Variants in ZNF804B observed in about 807,000 individuals in gnomAD.
The protein encoded by ZNF804B is zinc finger protein 804B.
In ZNF804B, 80 loss-of-function variants were observed where a neutral mutation model predicts 101.4. That is an observed-to-expected ratio of 0.79 (90% confidence interval 0.66 to 0.95). The LOEUF (loss-of-function observed/expected upper bound fraction) is 0.95, where lower values mean the gene tolerates loss of function less well. Among genes scored for constraint, ZNF804B ranks in the 40% least tolerant of loss-of-function variants. The probability of loss-of-function intolerance (pLI) is 0.00; values close to 1 mark genes in which losing one functional copy is unlikely to be tolerated. For missense variants in ZNF804B, 1,673 were observed against 1,561.9 expected (o/e 1.07, Z -1.20); for synonymous variants, 622 against 558.8 (o/e 1.11, Z -1.59).
At chr7:89,174,093 G>A (rs34978581) in intron 1 of ZNF804B, among the ~76,000 whole-genome samples, 31,492 of 151,684 alleles carry the variant, frequency 0.21, 3,456 homozygotes, top group Middle Eastern at 0.39. Context: ...CAGACATTCC[G>A]ATTATACTGT....
chr7:88,853,427 C>T (rs1359827659), intron 1 of ZNF804B, among the ~76,000 whole-genome samples: 4 of 152,060 alleles, frequency 2.6e-5, no homozygotes, highest in African/African-American at 4.8e-5. Context: ...ATTGGCACTG[C>T]TCTCCTAGAG....
At chr7:88,880,262 G>A (rs1225455894) in intron 1 of ZNF804B, among the ~76,000 whole-genome samples, 2 of 152,194 alleles carry the variant, frequency 1.3e-5, no homozygotes, top group Non-Finnish European at 2.9e-5. Flanking sequence ...AGAATCTGCA[G>A]TTCATAATCA....
rs1028717921 is a variant in ZNF804B, at chr7:88,961,451, A to T, written c.108+201367A>T. Reference sequence around the variant, plus strand: ...GATTGCTGTCCTGCACTTCAGTTTGAGGTATCCACAAAGGAAACATCTTTA... The same window carrying T: ...GATTGCTGTCCTGCACTTCAGTTTGTGGTATCCACAAAGGAAACATCTTTA... On this transcript the variant is annotated intron_variant, in intron 1 of 3. Coordinates refer to ENST00000333190, the MANE Select transcript of ZNF804B (RefSeq NM_181646.5). Among the ~76,000 whole-genome samples the T allele has an allele frequency of 4.6e-5, 7 of 151,368 alleles. No individual in the cohort carries two copies. In the South Asian group the frequency reaches 1.4e-3, roughly 31 times the overall value.
intron 1 of ZNF804B, among the ~76,000 whole-genome samples, chr7:88,919,002 T>C (rs1439877448): frequency 1.3e-5 from 2 of 152,110 alleles, no homozygotes; most frequent in Non-Finnish European, 2.9e-5. Context: ...AAAATCAAGT[T>C]ACTTAATTTT....
intron 1 of ZNF804B, among the ~76,000 whole-genome samples, chr7:88,943,988 T>A (rs924893350): frequency 6.6e-6 from 1 of 151,878 alleles, no homozygotes; most frequent in Non-Finnish European, 1.5e-5. Flanking sequence ...TATAAAAATT[T>A]ATCCATTTAC....
chr7:88,907,450 A>G (rs1184702421), intron 1 of ZNF804B, among the ~76,000 whole-genome samples: 1 of 152,076 alleles, frequency 6.6e-6, no homozygotes, highest in Non-Finnish European at 1.5e-5. Flanking sequence ...TGTATAATTA[A>G]ATACATGACT....
intron 2 of ZNF804B, among the ~76,000 whole-genome samples, chr7:89,219,284 A>C (rs958947523): frequency 6.6e-6 from 1 of 152,172 alleles, no homozygotes; most frequent in African/African-American, 2.4e-5. Flanking sequence ...TCTAAGTTAT[A>C]GGAAATATTA....
At chr7:89,331,293 G>A (rs1790974136) in intron 3 of ZNF804B, among the ~76,000 whole-genome samples, 2 of 151,694 alleles carry the variant, frequency 1.3e-5, no homozygotes, top group African/African-American at 4.8e-5. Flanking sequence ...TCTATCTGCA[G>A]GCTGGAGGCA....
intron 1 of ZNF804B, among the ~76,000 whole-genome samples, chr7:88,894,265 G>A (rs1792254599): frequency 6.6e-6 from 1 of 151,366 alleles, no homozygotes; most frequent in Non-Finnish European, 1.5e-5. Flanking sequence ...CCAGGCTGGA[G>A]TGCAATGGCG....
intron 2 of ZNF804B, among the ~76,000 whole-genome samples, chr7:89,282,711 A>G (rs543387183): frequency 5.9e-5 from 9 of 152,178 alleles, no homozygotes; most frequent in Non-Finnish European, 1.2e-4. Flanking sequence ...TCCTTATAAT[A>G]AGAGGCAGAG....
intron 1 of ZNF804B, among the ~76,000 whole-genome samples, chr7:88,803,500 T>C (rs1452809394): frequency 6.6e-6 from 1 of 152,176 alleles, no homozygotes; most frequent in African/African-American, 2.4e-5. Flanking sequence ...CTAAAGCAGT[T>C]GCTAAGACTG....
chr7:88,919,422 G>A (rs758972009), intron 1 of ZNF804B, among the ~76,000 whole-genome samples: 14 of 152,170 alleles, frequency 9.2e-5, no homozygotes, highest in East Asian at 1.9e-4. Context: ...ATAAAGGCAC[G>A]ATGATAAAGG....
chr7:89,292,050 A>AT (rs1790303866), intron 2 of ZNF804B, among the ~76,000 whole-genome samples: 1 of 152,162 alleles, frequency 6.6e-6, no homozygotes, highest in Non-Finnish European at 1.5e-5. Context: ...AGTGAAAAAA[A>AT]TTCTTCAAAA....
intron 2 of ZNF804B, among the ~76,000 whole-genome samples, chr7:89,276,725 G>A (rs1171127179): frequency 6.6e-6 from 1 of 151,688 alleles, no homozygotes; most frequent in Non-Finnish European, 1.5e-5. Context: ...ATGGATATTT[G>A]ACTACATTTT....
intron 1 of ZNF804B, among the ~76,000 whole-genome samples, chr7:89,121,723 A>G (rs2116366997): frequency 6.6e-6 from 1 of 152,348 alleles, no homozygotes; most frequent in African/African-American, 2.4e-5. Flanking sequence ...GTATAGAATT[A>G]AAGTAAATCA....
At chr7:88,766,907 T>C (rs1789993087) in intron 1 of ZNF804B, among the ~76,000 whole-genome samples, 1 of 152,202 alleles carries the variant, frequency 6.6e-6, no homozygotes, top group African/African-American at 2.4e-5. Context: ...GTTTTCTTTT[T>C]TTCTTTGACA....
intron 1 of ZNF804B, among the ~76,000 whole-genome samples, chr7:88,882,671 G>A (rs1339235686): frequency 6.6e-6 from 1 of 152,036 alleles, no homozygotes; most frequent in South Asian, 2.1e-4. Context: ...GCAAATATGC[G>A]CCATGGAAAA....
intron 1 of ZNF804B, among the ~76,000 whole-genome samples, chr7:88,783,054 T>G (rs1790253708): frequency 6.6e-6 from 1 of 152,134 alleles, no homozygotes; most frequent in Non-Finnish European, 1.5e-5. Context: ...ATATAGAAAC[T>G]GTGGAAATCA....
At chr7:89,217,372 G>T (rs1004804829) in intron 1 of ZNF804B, among the ~76,000 whole-genome samples, 13 of 152,122 alleles carry the variant, frequency 8.5e-5, no homozygotes, top group African/African-American at 1.2e-4. Context: ...GCCCATGAGT[G>T]TGTAATCTCT....
Sources: allele counts gnomAD v4.1 joint callset (sites outside exome capture counted in the v4.1 genomes callset), GRCh38; gene constraint gnomAD v4.1.1; transcripts MANE v1.5; gene names NCBI Gene and HGNC (gene_info 2026-07-23, HGNC 2026-07-21).